Variants in ESR1 observed in about 807,000 individuals in gnomAD.
ESR1 encodes the protein estrogen receptor.
Under a neutral mutation model 52.7 loss-of-function variants are expected in ESR1, and 12 were observed. The ratio of observed to expected loss-of-function variants is 0.23; its 90% CI spans 0.15 to 0.37. The LOEUF (loss-of-function observed/expected upper bound fraction) is 0.37, where lower values mean the gene tolerates loss of function less well. ESR1 is among the 10% of genes least tolerant of loss of function. The pLI is 1.00. For missense variants in ESR1, 584 were observed against 779.7 expected (o/e 0.75, Z 2.99); for synonymous variants, 305 against 316.8 (o/e 0.96, Z 0.39).
chr6:151,965,063 G>GTT (rs2038125899), intron 4 of ESR1, among the ~76,000 whole-genome samples: 1 of 152,116 alleles, frequency 6.6e-6, no homozygotes, highest in African/African-American at 2.4e-5. Context: ...CTTCTTAGTA[G>GTT]GTGAACATTG....
At chr6:151,965,409 T>C (rs1012461023) in intron 4 of ESR1, among the ~76,000 whole-genome samples, 3 of 152,142 alleles carry the variant, frequency 2.0e-5, no homozygotes, top group African/African-American at 7.2e-5. Context: ...TGGAAGGATA[T>C]ATAGAAAAAG....
intron 6 of ESR1, among the ~76,000 whole-genome samples, chr6:152,083,786 A>G (rs1264031428): frequency 1.3e-5 from 2 of 152,108 alleles, no homozygotes; most frequent in African/African-American, 4.8e-5. Flanking sequence ...CCATCAAAAA[A>G]GTTGGCAAAG....
intron 1 of ESR1, among the ~76,000 whole-genome samples, chr6:151,839,630 G>T (rs971979134): frequency 6.6e-6 from 1 of 152,174 alleles, no homozygotes; most frequent in Admixed American, 6.5e-5. Context: ...CAAAGTCTGT[G>T]TAGTATATAC....
At chr6:151,873,535 G>A (rs1382792015) in intron 2 of ESR1, among the ~76,000 whole-genome samples, 2 of 152,152 alleles carry the variant, frequency 1.3e-5, no homozygotes, top group Non-Finnish European at 2.9e-5. Flanking sequence ...GTCTACTCAG[G>A]CCTGGGCAGT....
At chr6:151,679,738 C>A (rs1778384430) in intron 1 of ESR1, among the ~76,000 whole-genome samples, 1 of 152,164 alleles carries the variant, frequency 6.6e-6, no homozygotes, top group African/African-American at 2.4e-5. Flanking sequence ...TTTGCTGGTG[C>A]CAATTTGACT....
chr6:151,788,502 T>G (rs987157623), intron 2 of ESR1, among the ~76,000 whole-genome samples: 10 of 152,222 alleles, frequency 6.6e-5, no homozygotes, highest in African/African-American at 2.2e-4. Context: ...ATAATGTTGG[T>G]GGGAGTGTAA....
chr6:152,102,704 T>A lies in ESR1; in HGVS notation c.*3738T>A, dbSNP rs1321907487. ...TCATTTAAAATTGTTTTCTAAGTAA[T>A]TGCTGCCTCTATTATGGCACTTCAA... is the stretch of plus-strand genomic sequence containing the variant. On this transcript the variant is annotated 3_prime_UTR_variant, in exon 8 of 8. Transcript: ENST00000206249. The A allele has an allele frequency of 9.1e-6, 2 of 219,254 alleles. No homozygotes were observed. The highest frequency in any genetic ancestry group is 4.5e-5 in the African/African-American group (2 of 44,534). 13.6% of individuals were successfully genotyped at this position (219,254 alleles called of 1,614,324 possible). A position where few individuals can be genotyped will look rare whatever the true frequency, so the allele number is the denominator to read the frequency against.
chr6:151,784,601 T>C (rs1786844602), intron 2 of ESR1, among the ~76,000 whole-genome samples: 1 of 152,176 alleles, frequency 6.6e-6, no homozygotes, highest in African/African-American at 2.4e-5. Context: ...CCAGACTGAG[T>C]TAGGCAACAT....
At chr6:152,029,900 G>A (rs2044520733) in intron 5 of ESR1, among the ~76,000 whole-genome samples, 1 of 152,152 alleles carries the variant, frequency 6.6e-6, no homozygotes, top group Non-Finnish European at 1.5e-5. Context: ...AGAAAGATTG[G>A]GTTACCCACA....
At chr6:151,936,274 T>C (rs146896391) in intron 3 of ESR1, 2,270 of 152,248 alleles carry the variant, frequency 0.015, 27 homozygotes, top group Non-Finnish European at 0.024. Context: ...ATTCTAAGGC[T>C]TGGGGAGAGC....
intron 5 of ESR1, among the ~76,000 whole-genome samples, chr6:152,049,249 C>T (rs563839823): frequency 1.3e-5 from 2 of 152,272 alleles, no homozygotes; most frequent in East Asian, 3.9e-4. Flanking sequence ...CTGTAATAAC[C>T]AACTCTAACC....
At chr6:151,689,742 C>G (rs1007321978), upstream of ESR1, among the ~76,000 whole-genome samples, 1 of 151,974 alleles carries the variant, frequency 6.6e-6, no homozygotes, top group Non-Finnish European at 1.5e-5. Flanking sequence ...AGAAAGCCAG[C>G]CTTTTTTCAA....
At chr6:151,995,966 T>C (rs2041444017) in intron 4 of ESR1, among the ~76,000 whole-genome samples, 1 of 152,202 alleles carries the variant, frequency 6.6e-6, no homozygotes, top group African/African-American at 2.4e-5. Context: ...GTGTCTCCAC[T>C]ATGAAGTAGC....
rs114115142 is a variant in ESR1 at position 152,125,090 on chromosome 6, C to G, written c.851-176C>G. ...ACCCTGTGATTTTAACTACCAGAACCTGGAGACTCTAGACAGGCTGAATGA... is the reference window on the plus strand; with the variant it reads ...ACCCTGTGATTTTAACTACCAGAACGTGGAGACTCTAGACAGGCTGAATGA... On this transcript the variant is annotated intron_variant, in intron 6 of 6. Transcript: ENST00000427531. Among the ~76,000 whole-genome samples the G allele has an allele frequency of 6.4e-3, 970 of 152,330 alleles. 13 individuals carry two copies. Among genetic ancestry groups the G allele is most frequent in the African/African-American group, 0.022 (917 of 41,560 alleles).
intron 1 of ESR1, among the ~76,000 whole-genome samples, chr6:151,810,284 T>A (rs1003413816): frequency 2.7e-5 from 4 of 149,890 alleles, no homozygotes; most frequent in African/African-American, 9.8e-5. Flanking sequence ...ACTTAAAAAT[T>A]AAAAAAAAAA....
At chr6:151,733,829 T>C (rs2128044289) in intron 2 of ESR1, among the ~76,000 whole-genome samples, 1 of 152,352 alleles carries the variant, frequency 6.6e-6, no homozygotes, top group South Asian at 2.1e-4. Flanking sequence ...GCCCAGATCC[T>C]GTGGAGCTGT....
chr6:151,992,340 A>G (rs1245882891), intron 4 of ESR1, among the ~76,000 whole-genome samples: 1 of 152,118 alleles, frequency 6.6e-6, no homozygotes, highest in Non-Finnish European at 1.5e-5. Flanking sequence ...CCTCAGCCTC[A>G]GGAAACCTCC....
At chr6:151,683,834 G>A (rs1778547807) in intron 1 of ESR1, among the ~76,000 whole-genome samples, 1 of 151,006 alleles carries the variant, frequency 6.6e-6, no homozygotes, top group South Asian at 2.1e-4. Flanking sequence ...AAGTAGCTGG[G>A]ATTACAAGCA....
chr6:152,048,130 G>T (rs558862132), intron 5 of ESR1, among the ~76,000 whole-genome samples: 2 of 151,608 alleles, frequency 1.3e-5, no homozygotes, highest in African/African-American at 4.9e-5. Flanking sequence ...CAGCACTTTC[G>T]GACGCCGAGG....
Sources: allele counts gnomAD v4.1 joint callset (sites outside exome capture counted in the v4.1 genomes callset), GRCh38; gene constraint gnomAD v4.1.1; transcripts MANE v1.5; gene names NCBI Gene and HGNC (gene_info 2026-07-23, HGNC 2026-07-21).